The following HERPUD2 variants were observed in gnomAD, a reference collection of about 807,000 sequenced individuals.
HERPUD2 encodes homocysteine-responsive endoplasmic reticulum-resident ubiquitin-like domain member 2 protein.
In HERPUD2, 13 loss-of-function variants were observed where a neutral mutation model predicts 49.9. The ratio of observed to expected loss-of-function variants is 0.26; its 90% CI spans 0.17 to 0.41. HERPUD2 has a LOEUF of 0.41. Ranked by LOEUF, HERPUD2 falls within the 10% of genes least tolerant of loss-of-function variation. The pLI is 1.00. For missense variants in HERPUD2, 449 were observed against 492.2 expected (o/e 0.91, Z 0.83); for synonymous variants, 172 against 171.4 (o/e 1.00, Z -0.03).
intron 5 of HERPUD2, among the ~76,000 whole-genome samples, chr7:35,649,146 G>A (rs944568525): frequency 6.6e-6 from 1 of 152,038 alleles, no homozygotes. Context: ...AGCTACTTGG[G>A]AGGCTAAGGC....
At chr7:35,689,287 C>T (rs890604745) in intron 2 of HERPUD2, among the ~76,000 whole-genome samples, 1 of 152,104 alleles carries the variant, frequency 6.6e-6, no homozygotes, top group Non-Finnish European at 1.5e-5. Flanking sequence ...TTCGATAGTA[C>T]CCTTTGTTCA....
At chr7:35,691,256 T>A (rs1396387437) in intron 2 of HERPUD2, among the ~76,000 whole-genome samples, 1 of 152,228 alleles carries the variant, frequency 6.6e-6, no homozygotes, top group African/African-American at 2.4e-5. Context: ...ATATGGAGAC[T>A]GTGATTAGTC....
chr7:35,656,139 G>T (rs1270345224), intron 5 of HERPUD2, among the ~76,000 whole-genome samples: 2 of 151,880 alleles, frequency 1.3e-5, no homozygotes, highest in Non-Finnish European at 2.9e-5. Context: ...TCCAGACTGG[G>T]CAACAAGAGT....
chr7:35,667,277 C>T (rs1785555858), intron 5 of HERPUD2, among the ~76,000 whole-genome samples, 157 bp downstream of exon 5: 1 of 152,204 alleles, frequency 6.6e-6, no homozygotes, highest in Non-Finnish European at 1.5e-5. Context: ...AAAAGCAGTG[C>T]TCTTCTTAAC....
intron 5 of HERPUD2, among the ~76,000 whole-genome samples, chr7:35,655,868 G>C (rs1390298188): frequency 6.6e-6 from 1 of 152,146 alleles, no homozygotes; most frequent in Non-Finnish European, 1.5e-5. Flanking sequence ...AACTAGCTAA[G>C]AAAGAAATCG....
chr7:35,694,981 A>AG lies in HERPUD2; in HGVS notation c.-479dup, dbSNP rs11394396. 1 allele frequency: 152,484 copies of AG among 152,490 alleles called. 76,239 individuals are homozygous for AG. Among genetic ancestry groups the AG allele is most frequent in the Middle Eastern group, 1 (298 of 298 alleles). The allele number at this position is 152,490 out of a possible 1,614,324, so 9.4% of individuals were successfully genotyped here. On this transcript the variant is annotated 5_prime_UTR_variant, in exon 1 of 9. Transcript: ENST00000311350. ...GGTGAAAGGGAGAGAAGCTGACCGA[A>AG]GGCGCGGCCCGGCTCTCCGCCTGAC...
chr7:35,636,899 C>T (rs1172895287), intron 6 of HERPUD2, among the ~76,000 whole-genome samples: 1 of 152,026 alleles, frequency 6.6e-6, no homozygotes, highest in East Asian at 1.9e-4. Context: ...GTGGTCAAGG[C>T]AGGCAGATGG....
intron 2 of HERPUD2, among the ~76,000 whole-genome samples, chr7:35,687,195 C>T (rs148623524): frequency 1.3e-5 from 2 of 152,246 alleles, no homozygotes; most frequent in East Asian, 3.9e-4. Flanking sequence ...TTGCATGGTA[C>T]CCTTCTAATA....
At chr7:35,683,574 A>G (rs1252047878) in intron 2 of HERPUD2, among the ~76,000 whole-genome samples, 1 of 152,262 alleles carries the variant, frequency 6.6e-6, no homozygotes, top group Non-Finnish European at 1.5e-5. Flanking sequence ...AATTGCTGGG[A>G]CTTAATTAAA....
intron 5 of HERPUD2, among the ~76,000 whole-genome samples, chr7:35,646,712 G>T (rs1002555329): frequency 6.6e-6 from 1 of 152,136 alleles, no homozygotes; most frequent in Non-Finnish European, 1.5e-5. Flanking sequence ...TGTCCCCATA[G>T]AAAATGTCAT....
intron 2 of HERPUD2, among the ~76,000 whole-genome samples, chr7:35,690,097 C>T (rs1420957930): frequency 1.3e-5 from 2 of 152,174 alleles, no homozygotes; most frequent in African/African-American, 4.8e-5. Flanking sequence ...GGTCTTCTTG[C>T]CAAGTATCTT....
intron 2 of HERPUD2, among the ~76,000 whole-genome samples, chr7:35,687,618 G>A (rs767235783): frequency 1.2e-4 from 18 of 152,212 alleles, no homozygotes; most frequent in Non-Finnish European, 1.9e-4. Context: ...CCAAGGTGAG[G>A]AAAGCTCACT....
chr7:35,666,736 G>C (rs1445779199), intron 5 of HERPUD2, among the ~76,000 whole-genome samples: 4 of 152,178 alleles, frequency 2.6e-5, no homozygotes, highest in Admixed American at 1.3e-4. Flanking sequence ...ATTTCCTCTG[G>C]AAGTGCCTAA....
chr7:35,660,447 C>T (rs911946187), intron 5 of HERPUD2, among the ~76,000 whole-genome samples: 8 of 152,142 alleles, frequency 5.3e-5, no homozygotes, highest in African/African-American at 1.9e-4. Context: ...CTTGAGGAAT[C>T]GCCACACTGT....
chr7:35,686,745 AC>A (rs70974763), intron 2 of HERPUD2, among the ~76,000 whole-genome samples: 5,010 of 75,436 alleles, frequency 0.066, 1,274 homozygotes, highest in East Asian at 0.25. Context: ...AAAAAAAAAA[AC>A]CAAACCCATT....
At chr7:35,673,311 T>A in intron 2 of HERPUD2, 33 bp from the exon 3 acceptor site, 1 of 1,527,774 alleles carries the variant, frequency 6.5e-7, no homozygotes, top group Non-Finnish European at 9.0e-7. Context: ...GAATTCAACT[T>A]TTCTAATTAT....
At chr7:35,668,025 A>G (rs1382050165) in intron 4 of HERPUD2, among the ~76,000 whole-genome samples, 3 of 152,090 alleles carry the variant, frequency 2.0e-5, no homozygotes, top group African/African-American at 7.2e-5. Flanking sequence ...AGTACTGTAC[A>G]ACATGCTATT....
intron 5 of HERPUD2, among the ~76,000 whole-genome samples, chr7:35,647,730 G>A (rs1409442742): frequency 6.6e-6 from 1 of 152,170 alleles, no homozygotes; most frequent in African/African-American, 2.4e-5. Flanking sequence ...AGTTAAAAAT[G>A]GATTTGAATT....
intron 5 of HERPUD2, among the ~76,000 whole-genome samples, chr7:35,651,831 C>T (rs1182997863): frequency 3.3e-5 from 5 of 151,200 alleles, no homozygotes; most frequent in Non-Finnish European, 7.4e-5. Context: ...ATCTGAAAAA[C>T]AATTCAGGAT....
Sources: allele counts gnomAD v4.1 joint callset (sites outside exome capture counted in the v4.1 genomes callset), GRCh38; gene constraint gnomAD v4.1.1; transcripts MANE v1.5; gene names NCBI Gene and HGNC (gene_info 2026-07-23, HGNC 2026-07-21).